Variants in KCNIP1 observed in about 807,000 individuals in gnomAD.
KCNIP1 encodes A-type potassium channel modulatory protein KCNIP1.
KCNIP1 carries 18 observed loss-of-function variants against 33.0 expected under a neutral mutation model. The ratio of observed to expected loss-of-function variants is 0.55; its 90% CI spans 0.38 to 0.81. The LOEUF (loss-of-function observed/expected upper bound fraction) is 0.81, where lower values mean the gene tolerates loss of function less well. Ranked by LOEUF, KCNIP1 falls within the 30% of genes least tolerant of loss-of-function variation. KCNIP1 has a pLI of 0.00. For missense variants in KCNIP1, 238 were observed against 271.6 expected, an observed-to-expected ratio of 0.88 and a Z score of 0.87; for synonymous variants, 93 against 98.3, an observed-to-expected ratio of 0.95 and a Z score of 0.32.
intron 1 of KCNIP1, among the ~76,000 whole-genome samples, chr5:170,671,219 C>A (rs1240648811): frequency 6.6e-6 from 1 of 152,170 alleles, no homozygotes; most frequent in Non-Finnish European, 1.5e-5. Context: ...ACACGGTCTA[C>A]AATATTCTGC....
intron 1 of KCNIP1, among the ~76,000 whole-genome samples, chr5:170,407,497 T>C (rs7722552): frequency 0.073 from 11,188 of 152,240 alleles, 434 homozygotes; most frequent in East Asian, 0.14. Context: ...TTACCAACAA[T>C]CCCAATCCTT....
chr5:170,609,138 C>T (rs541597511), intron 1 of KCNIP1, among the ~76,000 whole-genome samples: 8 of 152,240 alleles, frequency 5.3e-5, no homozygotes, highest in East Asian at 1.9e-4. Flanking sequence ...AGACTGGAAA[C>T]GAGAAAACTG....
intron 1 of KCNIP1, among the ~76,000 whole-genome samples, chr5:170,528,520 A>G (rs1430522426): frequency 1.3e-5 from 2 of 152,208 alleles, no homozygotes; most frequent in Non-Finnish European, 2.9e-5. Flanking sequence ...AGCTCAAAAA[A>G]CTTAGTTCAT....
intron 1 of KCNIP1, among the ~76,000 whole-genome samples, chr5:170,437,246 C>G (rs1260416042): frequency 6.6e-6 from 1 of 152,194 alleles, no homozygotes; most frequent in Non-Finnish European, 1.5e-5. Context: ...TCATGACCCA[C>G]TTGAGAATAA....
chr5:170,620,698 T>C (rs912443479), intron 1 of KCNIP1, among the ~76,000 whole-genome samples: 3 of 152,230 alleles, frequency 2.0e-5, no homozygotes, highest in African/African-American at 4.8e-5. Flanking sequence ...TCTTGACTAA[T>C]TTAAAAAATC....
chr5:170,368,242 T>C (rs1377861134), intron 1 of KCNIP1, among the ~76,000 whole-genome samples: 9 of 150,908 alleles, frequency 6.0e-5, no homozygotes, highest in Non-Finnish European at 1.0e-4. Flanking sequence ...GGTGAGTTTT[T>C]AAAGTTTTTG....
chr5:170,435,205 T>C (rs1755833401), intron 1 of KCNIP1, among the ~76,000 whole-genome samples: 1 of 152,216 alleles, frequency 6.6e-6, no homozygotes, highest in Admixed American at 6.5e-5. Context: ...ACAGGCTGGC[T>C]TTTTCTAGGT....
rs536045163 is a variant in KCNIP1 at position 170,602,171 on chromosome 5, C to T, written c.61+97538C>T. On this transcript the variant is annotated intron_variant, in intron 1 of 7. Coordinates refer to ENST00000328939, the MANE Select transcript of KCNIP1 (RefSeq NM_014592.4). ...CTGTATAGTGCATGGCCATCCTTTG[C>T]TTTGGGGACAGTAAGTCAGTCAACA... Among the ~76,000 whole-genome samples the T allele has an allele frequency of 6.6e-5, 10 of 152,328 alleles. No homozygotes were observed. The South Asian group carries it at 1.9e-3, about 28-fold the overall frequency.
At chr5:170,382,787 C>G (rs1460949833) in intron 1 of KCNIP1, 1 of 152,468 alleles carries the variant, frequency 6.6e-6, no homozygotes, top group Non-Finnish European at 1.5e-5. Context: ...CTCCTCTAAC[C>G]CCTGTAACTT....
At chr5:170,400,877 G>A (rs1754885962) in intron 1 of KCNIP1, among the ~76,000 whole-genome samples, 1 of 152,214 alleles carries the variant, frequency 6.6e-6, no homozygotes, top group South Asian at 2.1e-4. Context: ...GCTACCTATG[G>A]CTGTTGAGCA....
chr5:170,639,206 T>C (rs1185440939), intron 1 of KCNIP1: 1 of 152,222 alleles, frequency 6.6e-6, no homozygotes, highest in Non-Finnish European at 1.5e-5. Context: ...GACATTCGAC[T>C]CTGCTTAGAG....
At chr5:170,523,872 C>A (rs1244853131) in intron 1 of KCNIP1, among the ~76,000 whole-genome samples, 1 of 152,186 alleles carries the variant, frequency 6.6e-6, no homozygotes, top group African/African-American at 2.4e-5. Context: ...CCTAACCTCC[C>A]AGACCTCCAC....
intron 1 of KCNIP1, among the ~76,000 whole-genome samples, chr5:170,585,575 C>T (rs532933248): frequency 1.3e-5 from 2 of 152,276 alleles, no homozygotes; most frequent in South Asian, 2.1e-4. Flanking sequence ...ACAATACCTG[C>T]GAGCCTGTCA....
At chr5:170,474,427 G>T (rs960432297) in intron 1 of KCNIP1, among the ~76,000 whole-genome samples, 2 of 152,116 alleles carry the variant, frequency 1.3e-5, no homozygotes, top group Non-Finnish European at 2.9e-5. Flanking sequence ...TTTTGCTTCT[G>T]CTAATCTGTC....
chr5:170,680,610 T>G (rs1200943382), intron 1 of KCNIP1: 1 of 152,550 alleles, frequency 6.6e-6, no homozygotes, highest in Non-Finnish European at 1.5e-5. Context: ...CACTGGGAAG[T>G]GAAGACAAAT....
chr5:170,396,284 C>T (rs988411106), intron 1 of KCNIP1, among the ~76,000 whole-genome samples: 2 of 152,160 alleles, frequency 1.3e-5, no homozygotes, highest in Non-Finnish European at 2.9e-5. Flanking sequence ...AGGGGATGCT[C>T]CCAGCCTGGG....
intron 1 of KCNIP1, among the ~76,000 whole-genome samples, chr5:170,372,508 C>A (rs137945298): frequency 6.6e-6 from 1 of 152,284 alleles, no homozygotes; most frequent in African/African-American, 2.4e-5. Context: ...ACTCTCTAAT[C>A]ATGGCTTGGT....
At chr5:170,366,285 T>G (rs914273121) in intron 1 of KCNIP1, among the ~76,000 whole-genome samples, 1 of 152,186 alleles carries the variant, frequency 6.6e-6, no homozygotes, top group African/African-American at 2.4e-5. Flanking sequence ...TGTCTTTGTA[T>G]AGAGTCCACC....
upstream of KCNIP1, among the ~76,000 whole-genome samples, chr5:170,501,253 C>A (rs1757404944): frequency 6.6e-6 from 1 of 152,080 alleles, no homozygotes; most frequent in Admixed American, 6.6e-5. Flanking sequence ...CCAGGGTAAG[C>A]AGCAGGTGGC....
Sources: gnomAD v4.1 joint callset for allele counts (sites outside exome capture counted in the v4.1 genomes callset) on GRCh38, gnomAD v4.1.1 for gene constraint, MANE v1.5 for transcripts, NCBI Gene and HGNC (gene_info 2026-07-23, HGNC 2026-07-21) for gene names.